UBXN11: variants seen among roughly 807,000 people sequenced by gnomAD.
UBXN11 encodes UBX domain-containing protein 11.
UBXN11 carries 47 observed loss-of-function variants against 62.8 expected under a neutral mutation model. That is an observed-to-expected ratio of 0.75 (90% CI 0.59 to 0.95). The LOEUF is 0.95. UBXN11 is among the 40% of genes least tolerant of loss of function. The pLI is 0.00. For synonymous variants in UBXN11, 294 were observed against 267.0 expected (o/e 1.10, Z -0.99); for missense variants, 638 against 661.7 (o/e 0.96, Z 0.39).
intron 5 of UBXN11, 57 bp downstream of exon 5, chr1:26,297,905 G>C (rs895110026): frequency 6.4e-7 from 1 of 1,574,548 alleles, no homozygotes; most frequent in African/African-American, 1.3e-5. Flanking sequence ...GGCCTCCCCA[G>C]CCCAGTCCCT....
At chr1:26,292,333 C>T (rs1184825565) in intron 8 of UBXN11, among the ~76,000 whole-genome samples, 4 of 151,654 alleles carry the variant, frequency 2.6e-5, no homozygotes, top group East Asian at 2.0e-4. Flanking sequence ...GCCTTGGCAA[C>T]GTAGCGAGAC....
upstream of UBXN11, among the ~76,000 whole-genome samples, chr1:26,307,500 CA>C (rs1354847479): frequency 3.3e-5 from 5 of 152,038 alleles, no homozygotes; most frequent in African/African-American, 1.2e-4. Flanking sequence ...TCATCATCAT[CA>C]TCTCTTCACC....
At chr1:26,310,474 G>A (rs188338473), upstream of UBXN11, among the ~76,000 whole-genome samples, 464 of 151,068 alleles carry the variant, frequency 3.1e-3, 1 homozygote, top group African/African-American at 0.011. Context: ...GCAGTCGGAG[G>A]TTACAGTGAG....
intron 6 of UBXN11, 62 bp downstream of exon 6, chr1:26,297,365 G>A: frequency 1.4e-6 from 2 of 1,459,054 alleles, no homozygotes; most frequent in Non-Finnish European, 9.1e-7. Flanking sequence ...GCTTCCAGGA[G>A]CCCTGGGCCC....
At chr1:26,314,791 G>A (rs1333525729) in intron 1 of UBXN11, among the ~76,000 whole-genome samples, 2 of 152,154 alleles carry the variant, frequency 1.3e-5, no homozygotes, top group African/African-American at 2.4e-5. Flanking sequence ...AGGGCCCTTC[G>A]AACATTTAGG....
intron 1 of UBXN11, among the ~76,000 whole-genome samples, chr1:26,317,042 A>T (rs1262966043): frequency 6.7e-6 from 1 of 148,728 alleles, no homozygotes; most frequent in Non-Finnish European, 1.5e-5. Flanking sequence ...TAGCCTAGCC[A>T]ACATGGTGAA....
chr1:26,306,486 G>A (rs571233461), intron 1 of UBXN11, 106 bp downstream of exon 1: 2 of 152,382 alleles, frequency 1.3e-5, no homozygotes, highest in East Asian at 3.9e-4. Flanking sequence ...GGTAAGCAGG[G>A]TCTTGAACCT....
Position 26,282,383 on chromosome 1 carries a change from GGGGCCGGGA to G in UBXN11, c.1470_1478del (p.Pro491_Pro493del). ...TGGGGCCGGGACCGGGACCGGGACTGGGGCCGGGACCGGGACCGGGACAGGGACCAGGAC... is the reference window on the plus strand; with the variant it reads ...TGGGGCCGGGACCGGGACCGGGACTGCCGGGACCGGGACAGGGACCAGGAC... On this transcript the variant is annotated inframe_deletion, in exon 15 of 15. Transcript: ENST00000374222. 2 of 688,770 alleles carry G rather than the reference GGGGCCGGGA, an allele frequency of 2.9e-6. No individual in the cohort carries two copies. The highest frequency in any genetic ancestry group is 2.9e-5 in the South Asian group (1 of 33,946). 42.7% of individuals were successfully genotyped at this position (688,770 alleles called of 1,614,324 possible).
chr1:26,316,777 C>T lies in UBXN11; in HGVS notation c.-149+1270G>A, dbSNP rs533902524. Among the ~76,000 whole-genome samples the T allele has an allele frequency of 5.3e-5, 8 of 151,790 alleles. No homozygotes were observed. The South Asian group carries it at 1.5e-3, about 28-fold the overall frequency. ...GCAGCTGTGGGATTCCTCTCATCCC[C>T]CCACCCCTCCCTGGGCCCTCACAGC... On this transcript the variant is annotated intron_variant, in intron 1 of 14. Transcript: ENST00000374217.
At chr1:26,301,175 A>ACC (rs1016035919) in intron 3 of UBXN11, 151 bp from the exon 4 acceptor site, 54 of 1,443,736 alleles carry the variant, frequency 3.7e-5, no homozygotes, top group Non-Finnish European at 4.8e-5. Context: ...CAAGGATCCA[A>ACC]CCAGAATGGG....
At chr1:26,298,187 C>A in intron 4 of UBXN11, 125 bp from the exon 5 acceptor site, 1 of 912,742 alleles carries the variant, frequency 1.1e-6, no homozygotes, top group East Asian at 2.7e-5. Context: ...CCACTGGCAT[C>A]ATAGGAACTG....
chr1:26,282,845 C>A lies in UBXN11; in HGVS notation c.1151+19G>T. On this transcript the variant is annotated intron_variant, in intron 13 of 14. Transcript: ENST00000374222. ...TGACCCAACGCCCCCAGGCCCTCAC[C>A]TCCTCATCCCGCCCTCACCTCTCTC... is the stretch of plus-strand genomic sequence containing the variant. 1 of 1,613,608 alleles carries A rather than the reference C, an allele frequency of 6.2e-7. No homozygotes were observed. The highest frequency in any genetic ancestry group is 8.5e-7 in the Non-Finnish European group (1 of 1,179,512).
rs2073674053 is a variant in UBXN11 at position 26,306,593 on chromosome 1, A to G, written c.-37T>C. 6.6e-6 allele frequency: 1 copy of G among 152,154 alleles called. No individual in the cohort carries two copies. The highest frequency in any genetic ancestry group is 6.5e-5 in the Admixed American group (1 of 15,270). The allele number at this position is 152,154 out of a possible 1,614,324, so 9.4% of individuals were successfully genotyped here. A position where few individuals can be genotyped will look rare whatever the true frequency, so the allele number is the denominator to read the frequency against. On this transcript the variant is annotated splice_region_variant and 5_prime_UTR_variant, in exon 1 of 15. Transcript: ENST00000374222. ...AGAAAGGTCTTAAGCCAGACTCACC[A>G]CGCAGGGCCGCTAGCCGTCCCGCAG...
intron 8 of UBXN11, among the ~76,000 whole-genome samples, chr1:26,288,750 C>G (rs1446310345): frequency 6.6e-6 from 1 of 152,200 alleles, no homozygotes; most frequent in East Asian, 1.9e-4. Context: ...CAAGATCCAG[C>G]TGGTGAACCT....
rs892441230 is a variant in UBXN11, at chr1:26,282,952, T to C, written c.1078-15A>G. ...GGGCAGCAGTTCTGGAAGGTATCAGTGGAGGGTGGACAGAGCCCTAGGCCC... is the reference window on the plus strand; with the variant it reads ...GGGCAGCAGTTCTGGAAGGTATCAGCGGAGGGTGGACAGAGCCCTAGGCCC... On this transcript the variant is annotated splice_polypyrimidine_tract_variant and intron_variant, in intron 12 of 14. Transcript: ENST00000374222. The C allele has an allele frequency of 1.2e-6, 2 of 1,613,922 alleles. No individual in the cohort carries two copies.
intron 4 of UBXN11, among the ~76,000 whole-genome samples, chr1:26,300,223 G>A (rs1392324366): frequency 6.6e-6 from 1 of 152,130 alleles, no homozygotes. Context: ...CGTGACAGGC[G>A]CTGGCCAGGG....
upstream of UBXN11, among the ~76,000 whole-genome samples, chr1:26,309,287 C>T (rs2073715883): frequency 7.2e-6 from 1 of 138,642 alleles, no homozygotes; most frequent in Non-Finnish European, 1.5e-5. Flanking sequence ...TGTCGCCAGG[C>T]TGGAGTGCAG....
chr1:26,315,492 G>A (rs2073782872), intron 1 of UBXN11, among the ~76,000 whole-genome samples: 1 of 152,206 alleles, frequency 6.6e-6, no homozygotes, highest in African/African-American at 2.4e-5. Flanking sequence ...ACCAAAGACA[G>A]CTGAGAACTT....
chr1:26,309,068 G>A (rs2073712498), upstream of UBXN11, among the ~76,000 whole-genome samples: 1 of 151,168 alleles, frequency 6.6e-6, no homozygotes, highest in Non-Finnish European at 1.5e-5. Flanking sequence ...AAGTAGCTGG[G>A]ACTACAGGCA....
Sources: allele counts gnomAD v4.1 joint callset (sites outside exome capture counted in the v4.1 genomes callset), GRCh38; gene constraint gnomAD v4.1.1; transcripts MANE v1.5; gene names NCBI Gene and HGNC (gene_info 2026-07-23, HGNC 2026-07-21).